DCUN1D1: variants seen among roughly 807,000 people sequenced by gnomAD.
DCUN1D1 encodes defective in cullin neddylation 1 domain containing 1.
Under a neutral mutation model 39.0 loss-of-function variants are expected in DCUN1D1, and 3 were observed. The ratio of observed to expected loss-of-function variants is 0.08; its 90% CI spans 0.04 to 0.20. The LOEUF (loss-of-function observed/expected upper bound fraction) is 0.20. Among genes scored for constraint, DCUN1D1 ranks in the 10% least tolerant of loss-of-function variants. The probability of loss-of-function intolerance (pLI) is 1.00; values close to 1 mark genes in which losing one functional copy is unlikely to be tolerated. For missense variants in DCUN1D1, 158 were observed against 302.4 expected, an observed-to-expected ratio of 0.52 and a Z score of 3.54; for synonymous variants, 82 against 96.3, an observed-to-expected ratio of 0.85 and a Z score of 0.87.
chr3:182,973,623 A>G (rs934749871), intron 1 of DCUN1D1, among the ~76,000 whole-genome samples: 37 of 152,306 alleles, frequency 2.4e-4, no homozygotes, highest in Admixed American at 2.0e-3. Flanking sequence ...CCTGGCCAAC[A>G]TGGTGAAACC....
Position 182,979,600 on chromosome 3 carries a change from T to TTCCC in DCUN1D1, c.3+886_3+887insGGGA, listed in dbSNP as rs58326496. Reference sequence around the variant, plus strand: ...GTCTGCAAGCCTGGAGAGGACTTTTTCCCCCCCCCAAACAAAAAAGGAGAG... The same window carrying TTCCC: ...GTCTGCAAGCCTGGAGAGGACTTTTTTCCCCCCCCCCCCAAACAAAAAAGGAGAG... On this transcript the variant is annotated intron_variant, in intron 1 of 6. Transcript: ENST00000292782. Among the ~76,000 whole-genome samples the TTCCC allele has an allele frequency of 5.2e-3, 717 of 137,026 alleles. 1 individual carries two copies. The highest frequency in any genetic ancestry group is 0.016 in the African/African-American group (566 of 35,226). 89.9% of individuals were successfully genotyped at this position (137,026 alleles called of 152,430 possible). A position where few individuals can be genotyped will look rare whatever the true frequency, so the allele number is the denominator to read the frequency against.
At chr3:182,951,109 T>C (rs1726708097) in intron 4 of DCUN1D1, 1 of 151,804 alleles carries the variant, frequency 6.6e-6, no homozygotes, top group Non-Finnish European at 1.5e-5. Flanking sequence ...CAATATTCCT[T>C]CCAGGTTGTT....
intron 4 of DCUN1D1, among the ~76,000 whole-genome samples, chr3:182,958,000 A>C (rs1727180053): frequency 6.6e-6 from 1 of 150,896 alleles, no homozygotes; most frequent in South Asian, 2.1e-4. Context: ...TTTAATTAGC[A>C]CAGCTATTTA....
Position 182,963,868 on chromosome 3 carries a change from A to C in DCUN1D1, c.389+13T>G. ...GTAACATATCTAATTTCCTATTGTA[A>C]TTATATACTCACCCTAATTCTGTCA... On this transcript the variant is annotated intron_variant, in intron 3 of 6. Transcript: ENST00000292782. The C allele has an allele frequency of 6.3e-7, 1 of 1,583,796 alleles. No individual in the cohort carries two copies. The highest frequency in any genetic ancestry group is 1.1e-5 in the South Asian group (1 of 87,724).
rs1177804196 is a variant in DCUN1D1, at chr3:182,963,878, C to T, written c.389+3G>A. 3 of 1,594,174 alleles carry T rather than the reference C, an allele frequency of 1.9e-6. No homozygotes were observed. Among genetic ancestry groups the T allele is most frequent in the Non-Finnish European group, 2.6e-6 (3 of 1,166,788 alleles). On this transcript the variant is annotated splice_donor_region_variant and intron_variant, in intron 3 of 6. Coordinates refer to ENST00000292782, the MANE Select transcript of DCUN1D1 (RefSeq NM_020640.4). ...TAATTTCCTATTGTAATTATATACT[C>T]ACCCTAATTCTGTCATGCCATCCAT...
At chr3:182,949,835 A>G (rs1486152385) in intron 4 of DCUN1D1, among the ~76,000 whole-genome samples, 1 of 152,242 alleles carries the variant, frequency 6.6e-6, no homozygotes, top group African/African-American at 2.4e-5. Context: ...TGGAGACTAC[A>G]TATTCCTCAA....
intron 1 of DCUN1D1, among the ~76,000 whole-genome samples, chr3:182,975,282 G>T (rs375956086): frequency 1.6e-4 from 24 of 150,908 alleles, no homozygotes; most frequent in Admixed American, 9.3e-4. Context: ...GTTCACGCCA[G>T]TCTCCCGCCT....
Position 182,949,603 on chromosome 3 carries a change from C to T in DCUN1D1, c.521-1971G>A, listed in dbSNP as rs114691388. Among the ~76,000 whole-genome samples, 1,409 of 151,974 alleles carry T rather than the reference C, an allele frequency of 9.3e-3. 21 individuals are homozygous for T. Among genetic ancestry groups the T allele is most frequent in the African/African-American group, 0.032 (1,344 of 41,432 alleles). Reference sequence around the variant, plus strand: ...TTCATGGTGGTGCATGCCTGTATTCCCAGCTACTCCAGGAAGCTGAAGCGG... The same window carrying T: ...TTCATGGTGGTGCATGCCTGTATTCTCAGCTACTCCAGGAAGCTGAAGCGG... On this transcript the variant is annotated intron_variant, in intron 4 of 6. Coordinates refer to ENST00000292782, the MANE Select transcript of DCUN1D1 (RefSeq NM_020640.4).
intron 6 of DCUN1D1, among the ~76,000 whole-genome samples, chr3:182,945,713 C>T (rs533457079): frequency 6.6e-6 from 1 of 152,274 alleles, no homozygotes; most frequent in African/African-American, 2.4e-5. Context: ...CATTCTGTGG[C>T]CATCTCACAA....
chr3:182,982,535 T>C (rs566805156), upstream of DCUN1D1, among the ~76,000 whole-genome samples: 1 of 152,290 alleles, frequency 6.6e-6, no homozygotes, highest in Non-Finnish European at 1.5e-5. Flanking sequence ...CATCCACCAC[T>C]CTTCCTGCCT....
Position 182,943,212 on chromosome 3 carries a change from T to A in DCUN1D1, c.*1882A>T, listed in dbSNP as rs1726221797. The A allele has an allele frequency of 6.8e-6, 1 of 147,200 alleles. No homozygotes were observed. The highest frequency in any genetic ancestry group is 2.5e-5 in the African/African-American group (1 of 40,056). The allele number at this position is 147,200 out of a possible 1,614,324, so 9.1% of individuals were successfully genotyped here. A position where few individuals can be genotyped will look rare whatever the true frequency, so the allele number is the denominator to read the frequency against. On this transcript the variant is annotated 3_prime_UTR_variant, in exon 7 of 7. Transcript: ENST00000292782. ...AAACCAATAACCATAACTCAAAATC[T>A]TCAAGACAGGAAACAAAACAGTACA...
At chr3:182,950,216 C>T (rs1261396393) in intron 4 of DCUN1D1, among the ~76,000 whole-genome samples, 5 of 151,924 alleles carry the variant, frequency 3.3e-5, no homozygotes, top group African/African-American at 9.7e-5. Flanking sequence ...GGTGCAATCT[C>T]GGTTCACTGC....
At chr3:182,957,740 A>G (rs1042635162) in intron 4 of DCUN1D1, among the ~76,000 whole-genome samples, 1 of 152,038 alleles carries the variant, frequency 6.6e-6, no homozygotes, top group Non-Finnish European at 1.5e-5. Context: ...AAAAATAACC[A>G]GGCTGGGTAA....
upstream of DCUN1D1, among the ~76,000 whole-genome samples, chr3:182,984,130 T>C (rs1728651193): frequency 6.6e-6 from 1 of 152,242 alleles, no homozygotes. Flanking sequence ...AACTGATGTC[T>C]GTCTTAAGAC....
intron 1 of DCUN1D1, among the ~76,000 whole-genome samples, chr3:182,970,680 C>T (rs1017043644): frequency 6.6e-6 from 1 of 152,166 alleles, no homozygotes; most frequent in Non-Finnish European, 1.5e-5. Flanking sequence ...TTTACGATCA[C>T]CTATAATTCT....
At chr3:182,950,623 C>T (rs1304224927) in intron 4 of DCUN1D1, among the ~76,000 whole-genome samples, 1 of 152,092 alleles carries the variant, frequency 6.6e-6, no homozygotes, top group East Asian at 1.9e-4. Context: ...CACAGGTAAC[C>T]TTGAAATAGC....
chr3:182,965,905 T>C, intron 1 of DCUN1D1, 152 bp from the exon 2 acceptor site: 3 of 618,984 alleles, frequency 4.8e-6, no homozygotes, highest in Non-Finnish European at 8.4e-6. Context: ...CTATTATTCA[T>C]CAGAAAGGCT....
intron 1 of DCUN1D1, among the ~76,000 whole-genome samples, chr3:182,977,176 T>C (rs1728277826): frequency 2.6e-5 from 4 of 152,172 alleles, no homozygotes; most frequent in African/African-American, 7.2e-5. Flanking sequence ...GGGGAAATGG[T>C]AGACCAGGAG....
chr3:182,969,771 C>G (rs970998230), intron 1 of DCUN1D1, among the ~76,000 whole-genome samples: 2 of 152,094 alleles, frequency 1.3e-5, no homozygotes, highest in African/African-American at 4.8e-5. Flanking sequence ...AATGCTATCT[C>G]TTGTAACAGA....
Sources: allele counts gnomAD v4.1 joint callset (sites outside exome capture counted in the v4.1 genomes callset), GRCh38; gene constraint gnomAD v4.1.1; transcripts MANE v1.5; gene names NCBI Gene and HGNC (gene_info 2026-07-23, HGNC 2026-07-21).